SYT16: variants seen among roughly 807,000 people sequenced by gnomAD.
The protein encoded by SYT16 is synaptotagmin-16.
Under a neutral mutation model 61.4 loss-of-function variants are expected in SYT16, and 42 were observed. That is an observed-to-expected ratio of 0.68 (90% CI 0.53 to 0.89). The LOEUF (loss-of-function observed/expected upper bound fraction) is 0.89, where lower values mean the gene tolerates loss of function less well. SYT16 is among the 40% of genes least tolerant of loss of function. The probability of loss-of-function intolerance (pLI) is 0.00; values close to 1 mark genes in which losing one functional copy is unlikely to be tolerated. For missense variants in SYT16, 804 were observed against 807.3 expected, an observed-to-expected ratio of 1.00 and a Z score of 0.05; for synonymous variants, 314 against 302.3, an observed-to-expected ratio of 1.04 and a Z score of -0.40.
rs1409886366 is a variant in SYT16, at chr14:62,107,317, C to T, written c.*6610C>T. The T allele has an allele frequency of 3.3e-5, 5 of 151,960 alleles. No individual in the cohort carries two copies. The highest frequency in any genetic ancestry group is 1.2e-4 in the African/African-American group (5 of 41,314). 9.4% of individuals were successfully genotyped at this position (151,960 alleles called of 1,614,324 possible). Reference sequence around the variant, plus strand: ...GTATGGTGGTGTGCGCCTATAGTCCCAGCTCCTCAGGAAGCTGAGGTGGGA... The same window carrying T: ...GTATGGTGGTGTGCGCCTATAGTCCTAGCTCCTCAGGAAGCTGAGGTGGGA... On this transcript the variant is annotated 3_prime_UTR_variant, in exon 8 of 8. Coordinates refer to ENST00000683842, the MANE Select transcript of SYT16 (RefSeq NM_001367656.1).
intron 1 of SYT16, among the ~76,000 whole-genome samples, chr14:61,846,748 C>A (rs1056628726): frequency 6.6e-6 from 1 of 151,440 alleles, no homozygotes; most frequent in Non-Finnish European, 1.5e-5. Flanking sequence ...TTCCTTCCTG[C>A]CTTCCTTTTA....
At chr14:61,831,308 G>A (rs1336108546) in intron 1 of SYT16, among the ~76,000 whole-genome samples, 1 of 152,172 alleles carries the variant, frequency 6.6e-6, no homozygotes, top group East Asian at 1.9e-4. Flanking sequence ...AGAAATGAGA[G>A]TCCCTTCAAC....
chr14:61,919,263 G>A (rs1031485465), intron 1 of SYT16, among the ~76,000 whole-genome samples: 4 of 152,142 alleles, frequency 2.6e-5, no homozygotes, highest in Admixed American at 6.6e-5. Context: ...CTGCATGAAC[G>A]CAACAGCCTC....
chr14:61,865,136 A>G, intron 1 of SYT16: 1 of 1,278,430 alleles, frequency 7.8e-7, no homozygotes. Flanking sequence ...CTCCTCAGCC[A>G]CCGATAAATG....
At position 62,112,245 on chromosome 14, in the gene SYT16, A is replaced by C. The variant is rs775534315; in HGVS notation, c.*11538A>C. On this transcript the variant is annotated 3_prime_UTR_variant, in exon 8 of 8. Transcript: ENST00000683842. ...TGTGACAAGGAATAAATTCATGATT[A>C]GAAGAATTATACTGTTTTTCTTGTG... 1 of 152,156 alleles carries C rather than the reference A, an allele frequency of 6.6e-6. No individual in the cohort carries two copies. The highest frequency in any genetic ancestry group is 1.5e-5 in the Non-Finnish European group (1 of 67,982). 9.4% of individuals were successfully genotyped at this position (152,156 alleles called of 1,614,324 possible).
intron 3 of SYT16, among the ~76,000 whole-genome samples, chr14:62,025,770 A>G (rs904652047): frequency 1.3e-5 from 2 of 151,842 alleles, no homozygotes; most frequent in African/African-American, 4.8e-5. Context: ...TTTAAATTTC[A>G]AATTTATTGC....
chr14:61,843,832 T>C (rs1027055856), intron 1 of SYT16, among the ~76,000 whole-genome samples: 1 of 152,240 alleles, frequency 6.6e-6, no homozygotes, highest in Non-Finnish European at 1.5e-5. Context: ...TGAAGTCAGA[T>C]AATGTGATTC....
intron 1 of SYT16, among the ~76,000 whole-genome samples, chr14:61,927,072 C>T (rs2140417491): frequency 6.6e-6 from 1 of 152,268 alleles, no homozygotes; most frequent in African/African-American, 2.4e-5. Flanking sequence ...TCCTTCATCC[C>T]ACATAACTTC....
chr14:62,095,629 A>G (rs1287184339), intron 7 of SYT16, among the ~76,000 whole-genome samples: 1 of 152,014 alleles, frequency 6.6e-6, no homozygotes, highest in African/African-American at 2.4e-5. Context: ...ATATCTATAT[A>G]TACTATGTTC....
intron 1 of SYT16, among the ~76,000 whole-genome samples, chr14:61,936,710 T>A (rs1178584585): frequency 6.6e-6 from 1 of 152,164 alleles, no homozygotes; most frequent in Non-Finnish European, 1.5e-5. Context: ...CCGTTCTATG[T>A]CTGCCTCTAT....
intron 2 of SYT16, among the ~76,000 whole-genome samples, chr14:61,991,713 T>G (rs1251509017): frequency 6.6e-6 from 1 of 152,188 alleles, no homozygotes; most frequent in Non-Finnish European, 1.5e-5. Context: ...TCTGGGATCA[T>G]CTCACAATGG....
intron 3 of SYT16, among the ~76,000 whole-genome samples, chr14:62,017,989 T>G (rs2353772): frequency 0.44 from 67,353 of 152,020 alleles, 15,341 homozygotes; most frequent in East Asian, 0.66. Flanking sequence ...GTGCTGGGAT[T>G]ATAGGCATGA....
At chr14:61,836,547 C>T (rs1421608907) in intron 1 of SYT16, among the ~76,000 whole-genome samples, 1 of 152,226 alleles carries the variant, frequency 6.6e-6, no homozygotes, top group Non-Finnish European at 1.5e-5. Flanking sequence ...TCCCCAGTCC[C>T]TCATTTTCCT....
chr14:61,885,660 G>A (rs973796645), intron 1 of SYT16, among the ~76,000 whole-genome samples: 5 of 152,146 alleles, frequency 3.3e-5, no homozygotes, highest in African/African-American at 1.2e-4. Flanking sequence ...TGGAGATATT[G>A]CAGGTTTGGT....
Position 62,041,673 on chromosome 14 carries a change from C to G in SYT16, c.524-27930C>G, listed in dbSNP as rs192161956. Among the ~76,000 whole-genome samples the G allele has an allele frequency of 8.5e-4, 129 of 152,070 alleles. 1 individual carries two copies. The highest frequency in any genetic ancestry group is 3.0e-3 in the African/African-American group (123 of 41,502). ...GGTGAGTGCCACCATGTCCAGCTAA[C>G]TTTTTATATTTTTAGTAGAGTTGGG... On this transcript the variant is annotated intron_variant, in intron 3 of 7. Transcript: ENST00000683842.
At chr14:61,872,760 A>G (rs1370220856) in intron 1 of SYT16, among the ~76,000 whole-genome samples, 2 of 152,244 alleles carry the variant, frequency 1.3e-5, no homozygotes, top group Non-Finnish European at 2.9e-5. Flanking sequence ...ACGTTGGTTC[A>G]GCTGCCCTCA....
At chr14:62,033,907 C>T (rs139321515) in intron 3 of SYT16, among the ~76,000 whole-genome samples, 5 of 151,422 alleles carry the variant, frequency 3.3e-5, no homozygotes, top group Non-Finnish European at 7.4e-5. Context: ...ATACGATGAG[C>T]AAAGTGAAAA....
At chr14:61,850,992 A>C (rs150090266) in intron 1 of SYT16, among the ~76,000 whole-genome samples, 102 of 152,278 alleles carry the variant, frequency 6.7e-4, no homozygotes, top group African/African-American at 2.5e-3. Context: ...TTTGCTGCAC[A>C]AATCATCCCA....
At chr14:62,031,520 G>A (rs2054308625) in intron 3 of SYT16, among the ~76,000 whole-genome samples, 1 of 152,188 alleles carries the variant, frequency 6.6e-6, no homozygotes, top group Non-Finnish European at 1.5e-5. Context: ...AAACAAGAGG[G>A]GCAAATGTGA....
Sources: gnomAD v4.1 joint callset for allele counts (sites outside exome capture counted in the v4.1 genomes callset) on GRCh38, gnomAD v4.1.1 for gene constraint, MANE v1.5 for transcripts, NCBI Gene and HGNC (gene_info 2026-07-23, HGNC 2026-07-21) for gene names.